MYO10: variants seen among roughly 807,000 people sequenced by gnomAD.
MYO10 encodes myosin X, also known as unconventional myosin-X.
Under a neutral mutation model 257.3 loss-of-function variants are expected in MYO10, and 133 were observed. The ratio of observed to expected loss-of-function variants is 0.52; its 90% CI spans 0.45 to 0.60. MYO10 has a LOEUF of 0.60. MYO10 is among the 20% of genes least tolerant of loss of function. The pLI is 0.00. For synonymous variants in MYO10, 1,104 were observed against 1,028.6 expected (o/e 1.07, Z -1.40); for missense variants, 2,399 against 2,635.7 (o/e 0.91, Z 1.97).
rs528661142 is a variant in MYO10, at chr5:16,671,300, T to G, written c.5430+122A>C. Reference sequence around the variant, plus strand: ...GAATGAAAGAGCAGCTGGTCTTGTCTTTGCTGGGAAATCCACAGGTGTGCC... The same window carrying G: ...GAATGAAAGAGCAGCTGGTCTTGTCGTTGCTGGGAAATCCACAGGTGTGCC... On this transcript the variant is annotated intron_variant, in intron 38 of 40. Coordinates refer to ENST00000513610, the MANE Select transcript of MYO10 (RefSeq NM_012334.3). 112 of 1,260,732 alleles carry G rather than the reference T, an allele frequency of 8.9e-5. 1 individual carries two copies. In the South Asian group the frequency reaches 1.5e-3, roughly 17 times the overall value. The allele number at this position is 1,260,732 out of a possible 1,614,324, so 78.1% of individuals were successfully genotyped here. A position where few individuals can be genotyped will look rare whatever the true frequency, so the allele number is the denominator to read the frequency against.
At chr5:16,709,125 T>C (rs1738477922) in intron 21 of MYO10, among the ~76,000 whole-genome samples, 1 of 152,150 alleles carries the variant, frequency 6.6e-6, no homozygotes, top group African/African-American at 2.4e-5. Context: ...ACATCAGGGC[T>C]AAGAAGAGGA....
At chr5:16,703,904 A>AAG (rs1661656312) in intron 22 of MYO10, among the ~76,000 whole-genome samples, 1 of 143,964 alleles carries the variant, frequency 6.9e-6, no homozygotes, top group Non-Finnish European at 1.5e-5. Flanking sequence ...AAAAAAAAAA[A>AAG]AAGAAGTCAC....
At chr5:16,812,493 C>T (rs146953464) in intron 3 of MYO10, among the ~76,000 whole-genome samples, 1 of 152,186 alleles carries the variant, frequency 6.6e-6, no homozygotes, top group Non-Finnish European at 1.5e-5. Flanking sequence ...CACACTCAAA[C>T]CCAAGCCTGT....
At chr5:16,677,154 T>C (rs892442525) in intron 33 of MYO10, among the ~76,000 whole-genome samples, 1 of 152,166 alleles carries the variant, frequency 6.6e-6, no homozygotes, top group Non-Finnish European at 1.5e-5. Flanking sequence ...GAACCTTAAA[T>C]AAACAGAAAA....
chr5:16,767,232 A>T (rs1740900681), intron 10 of MYO10, among the ~76,000 whole-genome samples: 6 of 136,948 alleles, frequency 4.4e-5, no homozygotes. Flanking sequence ...GTGCAGTGGC[A>T]TGATCTCGGC....
At chr5:16,808,280 C>T (rs1007464817) in intron 3 of MYO10, among the ~76,000 whole-genome samples, 2 of 152,158 alleles carry the variant, frequency 1.3e-5, no homozygotes, top group African/African-American at 4.8e-5. Context: ...CTGAGCAACA[C>T]GACAAGCCTC....
At chr5:16,830,679 GCA>G (rs1554000807) in intron 2 of MYO10, among the ~76,000 whole-genome samples, 7 of 148,940 alleles carry the variant, frequency 4.7e-5, no homozygotes, top group South Asian at 2.1e-4. Context: ...TTTTTAATAG[GCA>G]CACACACACA....
intron 2 of MYO10, among the ~76,000 whole-genome samples, chr5:16,856,692 G>A (rs900601356): frequency 3.3e-5 from 5 of 152,226 alleles, no homozygotes; most frequent in South Asian, 2.1e-4. Context: ...TCAAGCTTCC[G>A]GGATCTGATG....
intron 2 of MYO10, among the ~76,000 whole-genome samples, chr5:16,824,730 G>A (rs1197764180): frequency 6.6e-6 from 1 of 152,064 alleles, no homozygotes; most frequent in African/African-American, 2.4e-5. Flanking sequence ...AGCTGGGCGT[G>A]GTGGCACGCA....
rs746621140 is a variant in MYO10 at position 16,702,909 on chromosome 5, A to G, written c.2510+16T>C. 4.5e-6 allele frequency: 7 copies of G among 1,546,260 alleles called. No individual in the cohort carries two copies. Among genetic ancestry groups the G allele is most frequent in the African/African-American group, 1.4e-5 (1 of 72,704 alleles). ...ATGTATCCATTTGTTTCATCCCAGC[A>G]AGAAAGGTACTGTACCTTTCTTCTT... On this transcript the variant is annotated intron_variant, in intron 23 of 40. Transcript: ENST00000513610.
At position 16,663,581 on chromosome 5, in the gene MYO10, C is replaced by A. The variant is rs1198128715; in HGVS notation, c.*3111G>T. 1.3e-5 allele frequency: 2 copies of A among 151,840 alleles called. No homozygotes were observed. Among genetic ancestry groups the A allele is most frequent in the Non-Finnish European group, 1.5e-5 (1 of 68,016 alleles). The allele number at this position is 151,840 out of a possible 1,614,324, so 9.4% of individuals were successfully genotyped here. On this transcript the variant is annotated 3_prime_UTR_variant, in exon 41 of 41. Transcript: ENST00000513610. The stretch of plus-strand genomic sequence containing the variant: ...TTTTGGTGGGGCACAGTGGCTCACA[C>A]CTGTCATCCTAGCACTTTGGGAGGC...
At chr5:16,821,876 G>A (rs965648703) in intron 2 of MYO10, among the ~76,000 whole-genome samples, 1 of 151,474 alleles carries the variant, frequency 6.6e-6, no homozygotes, top group African/African-American at 2.4e-5. Flanking sequence ...GAATCATGAC[G>A]GGAGACAATC....
At chr5:16,895,334 C>T (rs1250054236) in intron 1 of MYO10, among the ~76,000 whole-genome samples, 1 of 152,136 alleles carries the variant, frequency 6.6e-6, no homozygotes, top group Non-Finnish European at 1.5e-5. Context: ...GAGAATGGGC[C>T]GAGCCCAGGA....
intron 4 of MYO10, among the ~76,000 whole-genome samples, chr5:16,788,004 GGCT>G (rs1452653944): frequency 1.2e-4 from 18 of 152,140 alleles, no homozygotes; most frequent in Non-Finnish European, 2.6e-4. Flanking sequence ...ATGTTGGCCA[GGCT>G]GGTCTCGAAC....
chr5:16,769,749 C>T (rs1740989407), intron 9 of MYO10, among the ~76,000 whole-genome samples: 1 of 152,140 alleles, frequency 6.6e-6, no homozygotes, highest in Non-Finnish European at 1.5e-5. Context: ...AACATAGTGT[C>T]CCCCTTACAT....
intron 19 of MYO10, among the ~76,000 whole-genome samples, chr5:16,752,514 G>A (rs935813139): frequency 2.0e-5 from 3 of 152,076 alleles, no homozygotes; most frequent in Non-Finnish European, 2.9e-5. Context: ...AATTTCTGAC[G>A]TCAAGTCATC....
At position 16,828,729 on chromosome 5, in the gene MYO10, G is replaced by GTTTGT. The variant is rs568808227; in HGVS notation, c.121-10567_121-10563dup. On this transcript the variant is annotated intron_variant, in intron 2 of 40. Transcript: ENST00000513610. ...TTGCATCACTTTCCTGGTACACTAA[G>GTTTGT]TTTGTTTTGTTTTGTTTTGTTTTGA... Among the ~76,000 whole-genome samples the GTTTGT allele has an allele frequency of 8.6e-4, 130 of 151,880 alleles. 1 individual carries two copies. In the Middle Eastern group the frequency reaches 0.01, roughly 12 times the overall value.
chr5:16,858,441 T>TAAAAA (rs56792705), intron 2 of MYO10, among the ~76,000 whole-genome samples: 1,445 of 135,308 alleles, frequency 0.011, 28 homozygotes, highest in South Asian at 0.028. Context: ...GCTACTTTTG[T>TAAAAA]AAAAAAAAAA....
At chr5:16,909,108 T>C (rs1477540336) in intron 1 of MYO10, among the ~76,000 whole-genome samples, 1 of 152,168 alleles carries the variant, frequency 6.6e-6, no homozygotes, top group Non-Finnish European at 1.5e-5. Flanking sequence ...CAGTTCCACA[T>C]GGGTGGAGAG....
Sources: gnomAD v4.1 joint callset for allele counts (sites outside exome capture counted in the v4.1 genomes callset) on GRCh38, gnomAD v4.1.1 for gene constraint, MANE v1.5 for transcripts, NCBI Gene and HGNC (gene_info 2026-07-23, HGNC 2026-07-21) for gene names.